PPM1E: variants seen among roughly 807,000 people sequenced by gnomAD.
PPM1E encodes protein phosphatase, Mg2+/Mn2+ dependent 1E.
PPM1E carries 20 observed loss-of-function variants against 65.9 expected under a neutral mutation model. That is an observed-to-expected ratio of 0.30 (90% confidence interval 0.21 to 0.44). The LOEUF (loss-of-function observed/expected upper bound fraction) is 0.44. Ranked by LOEUF, PPM1E falls within the 20% of genes least tolerant of loss-of-function variation. PPM1E has a pLI of 1.00. For synonymous variants in PPM1E, 352 were observed against 374.9 expected, an observed-to-expected ratio of 0.94 and a Z score of 0.70; for missense variants, 713 against 953.1, an observed-to-expected ratio of 0.75 and a Z score of 3.32.
At chr17:58,830,486 T>G (rs2050592222) in intron 1 of PPM1E, among the ~76,000 whole-genome samples, 1 of 151,746 alleles carries the variant, frequency 6.6e-6, no homozygotes, top group Non-Finnish European at 1.5e-5. Flanking sequence ...TTTTGTATTT[T>G]TAGTAGAGAC....
intron 2 of PPM1E, among the ~76,000 whole-genome samples, chr17:58,963,752 A>G (rs1419940255): frequency 6.6e-6 from 1 of 151,650 alleles, no homozygotes; most frequent in Non-Finnish European, 1.5e-5. Flanking sequence ...AGCCAGGGGT[A>G]TTAGCAGGCA....
chr17:58,889,961 T>C (rs1473900764), intron 1 of PPM1E, among the ~76,000 whole-genome samples: 2 of 152,238 alleles, frequency 1.3e-5, no homozygotes, highest in African/African-American at 4.8e-5. Flanking sequence ...GTGGTTTCTA[T>C]AAATAAATTG....
rs148422343 is a variant in PPM1E at position 58,825,563 on chromosome 17, G to T, written c.464+69102G>T. ...TTTTTTTTATTCTCTGTTGTTTTTTGTTGTTGTTGTTGTTGTTTGGAAACA... is the reference window on the plus strand; with the variant it reads ...TTTTTTTTATTCTCTGTTGTTTTTTTTTGTTGTTGTTGTTGTTTGGAAACA... On this transcript the variant is annotated intron_variant, in intron 1 of 6. Transcript: ENST00000308249. Among the ~76,000 whole-genome samples, 989 of 150,110 alleles carry T rather than the reference G, an allele frequency of 6.6e-3. 12 individuals carry two copies. Among genetic ancestry groups the T allele is most frequent in the South Asian group, 0.018 (84 of 4,758 alleles).
rs2050764736 is a variant in PPM1E at position 58,845,748 on chromosome 17, T to C, written c.464+89287T>C. Among the ~76,000 whole-genome samples, 3 of 152,312 alleles carry C rather than the reference T, an allele frequency of 2.0e-5. No homozygotes were observed. The South Asian group carries it at 6.2e-4, about 32-fold the overall frequency. Reference sequence around the variant, plus strand: ...TAGGCTGGAGTGCAGTGGCGCGATCTTGGCTCACTGCAACCTCCTCCTCCC... The same window carrying C: ...TAGGCTGGAGTGCAGTGGCGCGATCCTGGCTCACTGCAACCTCCTCCTCCC... On this transcript the variant is annotated intron_variant, in intron 1 of 6. Transcript: ENST00000308249.
chr17:58,899,073 G>T (rs953693076), intron 1 of PPM1E, among the ~76,000 whole-genome samples: 2 of 151,662 alleles, frequency 1.3e-5, no homozygotes, highest in African/African-American at 4.8e-5. Flanking sequence ...TGAGTTGATG[G>T]ATGCAGCACA....
chr17:58,762,244 ATCCCAACACTT>A (rs2049828663), intron 1 of PPM1E, among the ~76,000 whole-genome samples: 1 of 152,108 alleles, frequency 6.6e-6, no homozygotes, highest in Non-Finnish European at 1.5e-5. Flanking sequence ...CATTCCTGTA[ATCCCAACACTT>A]TGGGAGGCTG....
intron 1 of PPM1E, among the ~76,000 whole-genome samples, chr17:58,877,803 C>T (rs1198858252): frequency 6.6e-6 from 1 of 152,142 alleles, no homozygotes; most frequent in East Asian, 1.9e-4. Context: ...AAACTCCCCA[C>T]TATCTTTTGC....
intron 1 of PPM1E, among the ~76,000 whole-genome samples, chr17:58,883,491 T>TC (rs921284183): frequency 5.4e-5 from 8 of 147,648 alleles, no homozygotes; most frequent in African/African-American, 2.0e-4. Flanking sequence ...TTCTTTTTTT[T>TC]TTTTTTTTTT....
chr17:58,758,185 GT>G (rs896804074), intron 1 of PPM1E, among the ~76,000 whole-genome samples: 2,251 of 145,010 alleles, frequency 0.016, 38 homozygotes, highest in African/African-American at 0.041. Context: ...ATGTAAGAAG[GT>G]TTTTTTTTTT....
chr17:58,967,506 A>G (rs912348474), intron 3 of PPM1E, among the ~76,000 whole-genome samples: 26 of 147,260 alleles, frequency 1.8e-4, no homozygotes, highest in South Asian at 4.3e-4. Context: ...ATATATGTGT[A>G]TATATATATA....
At chr17:58,756,505 C>A (rs1263122503) in intron 1 of PPM1E, 44 bp downstream of exon 1, 12 of 1,262,808 alleles carry the variant, frequency 9.5e-6, no homozygotes. Context: ...GCGGTCCCCA[C>A]CGCGCCGGCC....
At chr17:58,793,756 G>C (rs1404776909) in intron 1 of PPM1E, among the ~76,000 whole-genome samples, 1 of 152,192 alleles carries the variant, frequency 6.6e-6, no homozygotes, top group East Asian at 1.9e-4. Context: ...GTTTATATCT[G>C]TACAATTCTG....
intron 1 of PPM1E, among the ~76,000 whole-genome samples, chr17:58,908,057 T>C (rs2051580102): frequency 6.6e-6 from 1 of 152,104 alleles, no homozygotes; most frequent in African/African-American, 2.4e-5. Flanking sequence ...GTTTCTATTT[T>C]TGTCTTCTAC....
At chr17:58,772,567 C>G (rs1380349878) in intron 1 of PPM1E, among the ~76,000 whole-genome samples, 3 of 152,040 alleles carry the variant, frequency 2.0e-5, no homozygotes, top group Non-Finnish European at 4.4e-5. Context: ...GTTTAGAAGA[C>G]TCAATAAGAA....
rs1268779801 is a variant in PPM1E, at chr17:58,755,921, A to C, written c.-77A>C. On this transcript the variant is annotated 5_prime_UTR_variant, in exon 1 of 7. Transcript: ENST00000308249. ...CGTTAACCGCCCTTGCCGGAGCCCT[A>C]GGCTCAAAAGCAGCCCCTTACCCTT... is the stretch of plus-strand genomic sequence containing the variant. 1 of 1,586,626 alleles carries C rather than the reference A, an allele frequency of 6.3e-7. No homozygotes were observed. Among genetic ancestry groups the C allele is most frequent in the South Asian group, 1.2e-5 (1 of 86,630 alleles).
intron 1 of PPM1E, among the ~76,000 whole-genome samples, chr17:58,869,810 A>G (rs1201587488): frequency 6.6e-6 from 1 of 152,212 alleles, no homozygotes; most frequent in Non-Finnish European, 1.5e-5. Context: ...GCAGTGTTGC[A>G]GGCCCATTCA....
At chr17:58,936,893 A>C (rs2051988506) in intron 1 of PPM1E, among the ~76,000 whole-genome samples, 1 of 152,216 alleles carries the variant, frequency 6.6e-6, no homozygotes, top group South Asian at 2.1e-4. Flanking sequence ...TTCAGTGCTG[A>C]AAGAGAGCCA....
intron 1 of PPM1E, among the ~76,000 whole-genome samples, chr17:58,909,548 C>G (rs1294781425): frequency 2.0e-5 from 3 of 152,108 alleles, no homozygotes; most frequent in African/African-American, 7.2e-5. Flanking sequence ...GCTGACCTCT[C>G]CTTTGCTTTT....
At chr17:58,967,519 T>G (rs9894483) in intron 3 of PPM1E, among the ~76,000 whole-genome samples, 24,972 of 144,876 alleles carry the variant, frequency 0.17, 2,534 homozygotes, top group African/African-American at 0.31. Flanking sequence ...TATATATATA[T>G]AGAGAGAGAG....
Sources: gnomAD v4.1 joint callset for allele counts (sites outside exome capture counted in the v4.1 genomes callset) on GRCh38, gnomAD v4.1.1 for gene constraint, MANE v1.5 for transcripts, NCBI Gene and HGNC (gene_info 2026-07-23, HGNC 2026-07-21) for gene names.